The following GNA14 variants were observed in gnomAD, a reference collection of about 807,000 sequenced individuals.
GNA14 encodes G protein subunit alpha 14.
Under a neutral mutation model 42.0 loss-of-function variants are expected in GNA14, and 50 were observed. That is an observed-to-expected ratio of 1.19 (90% confidence interval 0.95 to 1.51). GNA14 has a LOEUF of 1.51. GNA14 is among the 40% of genes most tolerant of loss of function. GNA14 has a pLI of 0.00. For synonymous variants in GNA14, 173 were observed against 163.1 expected, an observed-to-expected ratio of 1.06 and a Z score of -0.46; for missense variants, 473 against 446.2, an observed-to-expected ratio of 1.06 and a Z score of -0.54.
rs1206054936 is a variant in GNA14 at position 77,423,231 on chromosome 9, T to C, written c.*748A>G. The C allele has an allele frequency of 6.6e-6, 1 of 152,016 alleles. No homozygotes were observed. The highest frequency in any genetic ancestry group is 1.9e-4 in the East Asian group (1 of 5,182). The allele number at this position is 152,016 out of a possible 1,614,324, so 9.4% of individuals were successfully genotyped here. ...CTAGCCATTTCATACATTTTTAAGATCTGGTCATATACATTGGGGGTAAAA... is the reference window on the plus strand; with the variant it reads ...CTAGCCATTTCATACATTTTTAAGACCTGGTCATATACATTGGGGGTAAAA... On this transcript the variant is annotated 3_prime_UTR_variant, in exon 7 of 7. Transcript: ENST00000341700.
chr9:77,637,449 A>T (rs564333758), intron 1 of GNA14, among the ~76,000 whole-genome samples: 1 of 152,344 alleles, frequency 6.6e-6, no homozygotes, highest in East Asian at 1.9e-4. Flanking sequence ...TTCAGAGAAA[A>T]TTTAAATTTT....
intron 1 of GNA14, among the ~76,000 whole-genome samples, chr9:77,593,682 G>A (rs1823422793): frequency 6.6e-6 from 1 of 152,160 alleles, no homozygotes; most frequent in Non-Finnish European, 1.5e-5. Flanking sequence ...GAGCCTGACA[G>A]CAACCTGTCA....
chr9:77,625,106 G>A (rs1823992511), intron 1 of GNA14, among the ~76,000 whole-genome samples: 1 of 151,788 alleles, frequency 6.6e-6, no homozygotes, highest in East Asian at 2.0e-4. Flanking sequence ...ACTTCGTGAA[G>A]CATACACAAG....
chr9:77,576,910 G>GA (rs34379059), intron 1 of GNA14, among the ~76,000 whole-genome samples: 8 of 152,240 alleles, frequency 5.3e-5, no homozygotes, highest in African/African-American at 1.9e-4. Flanking sequence ...ATGCTAACCT[G>GA]AAAATGTCAA....
chr9:77,479,514 T>G (rs1836501878), intron 2 of GNA14, among the ~76,000 whole-genome samples: 1 of 152,198 alleles, frequency 6.6e-6, no homozygotes, highest in African/African-American at 2.4e-5. Context: ...GGGCTCTTTT[T>G]TGGTTCCATA....
chr9:77,541,136 C>A (rs903566829), intron 1 of GNA14, among the ~76,000 whole-genome samples: 1 of 151,964 alleles, frequency 6.6e-6, no homozygotes, highest in African/African-American at 2.4e-5. Flanking sequence ...TTTATATTCT[C>A]GTGTGTTTTC....
At chr9:77,626,376 A>T (rs1339025516) in intron 1 of GNA14, among the ~76,000 whole-genome samples, 1 of 152,190 alleles carries the variant, frequency 6.6e-6, no homozygotes, top group Non-Finnish European at 1.5e-5. Flanking sequence ...TCAGCCCTGG[A>T]CAAAGCGGAC....
chr9:77,612,712 G>A (rs1444734456), intron 1 of GNA14, among the ~76,000 whole-genome samples: 1 of 151,824 alleles, frequency 6.6e-6, no homozygotes, highest in Non-Finnish European at 1.5e-5. Flanking sequence ...GGAGAAAAGG[G>A]AAATCTAGTA....
chr9:77,454,010 A>C (rs1285442454), intron 2 of GNA14, among the ~76,000 whole-genome samples: 1 of 152,216 alleles, frequency 6.6e-6, no homozygotes, highest in South Asian at 2.1e-4. Flanking sequence ...TTCATGATTC[A>C]GTATCTCTTC....
In GNA14 at chr9:77,646,508, G is replaced by A. The variant is rs547923021; in HGVS notation, c.124+1162C>T. ...GGGATAAGGATAAGGGGGTTCTTCC[G>A]CCCAGGTCTGAAGGCCATACTGGCT... is the stretch of plus-strand genomic sequence containing the variant. On this transcript the variant is annotated intron_variant, in intron 1 of 6. Coordinates refer to ENST00000341700, the MANE Select transcript of GNA14 (RefSeq NM_004297.4). Among the ~76,000 whole-genome samples the A allele has an allele frequency of 1.2e-3, 175 of 152,170 alleles. 3 individuals carry two copies. The highest frequency in any genetic ancestry group is 9.4e-3 in the Admixed American group (143 of 15,286).
intron 1 of GNA14, among the ~76,000 whole-genome samples, chr9:77,536,729 T>C (rs1260068151): frequency 6.6e-6 from 1 of 152,220 alleles, no homozygotes; most frequent in Non-Finnish European, 1.5e-5. Flanking sequence ...AAATATTTCC[T>C]GCTACTTTCT....
chr9:77,621,733 A>G (rs1158928779), intron 1 of GNA14, among the ~76,000 whole-genome samples: 2 of 152,220 alleles, frequency 1.3e-5, no homozygotes, highest in Admixed American at 6.5e-5. Context: ...CTACAATTCC[A>G]TATCAACAAA....
At chr9:77,482,416 G>A (rs996535727) in intron 2 of GNA14, among the ~76,000 whole-genome samples, 23 of 152,010 alleles carry the variant, frequency 1.5e-4, no homozygotes, top group Admixed American at 2.6e-4. Context: ...AGTTTCTGTC[G>A]AGAGATCTCT....
intron 1 of GNA14, among the ~76,000 whole-genome samples, chr9:77,616,171 G>A (rs1304473580): frequency 6.6e-6 from 1 of 152,206 alleles, no homozygotes; most frequent in Non-Finnish European, 1.5e-5. Flanking sequence ...GAATGGTAAA[G>A]CAGAATGGAA....
intron 2 of GNA14, among the ~76,000 whole-genome samples, chr9:77,457,567 C>A (rs1836024953): frequency 6.6e-6 from 1 of 152,168 alleles, no homozygotes; most frequent in South Asian, 2.1e-4. Context: ...GCCAAGAGGG[C>A]AGCTGATTTC....
intron 2 of GNA14, among the ~76,000 whole-genome samples, chr9:77,454,903 T>C (rs1172071948): frequency 6.6e-6 from 1 of 152,236 alleles, no homozygotes; most frequent in East Asian, 1.9e-4. Context: ...CTGGATTTTA[T>C]TTCTGAATCT....
chr9:77,443,472 C>G (rs1380168193), intron 2 of GNA14, among the ~76,000 whole-genome samples: 1 of 152,214 alleles, frequency 6.6e-6, no homozygotes, highest in Non-Finnish European at 1.5e-5. Context: ...GGGCTAAAGC[C>G]ACCTAGACTT....
At chr9:77,474,065 A>G (rs183459563) in intron 2 of GNA14, among the ~76,000 whole-genome samples, 272 of 152,338 alleles carry the variant, frequency 1.8e-3, no homozygotes, top group Non-Finnish European at 3.1e-3. Flanking sequence ...TAGAAGTAAC[A>G]TAGGCATAAA....
chr9:77,644,437 C>CCAAAAAAAAAAAAAAAAAAAAAAAAAAAA (rs778013639), intron 1 of GNA14, among the ~76,000 whole-genome samples: 8 of 34,012 alleles, frequency 2.4e-4, no homozygotes, highest in African/African-American at 5.8e-4. Flanking sequence ...TAAAGAGTGT[C>CCAAAAAAAAAAAAAAAAAAAAAAAAAAAA]AAAAAAAAAA....
Sources: allele counts gnomAD v4.1 joint callset (sites outside exome capture counted in the v4.1 genomes callset), GRCh38; gene constraint gnomAD v4.1.1; transcripts MANE v1.5; gene names NCBI Gene and HGNC (gene_info 2026-07-23, HGNC 2026-07-21).